Variants in CCDC7 observed in about 807,000 individuals in gnomAD.
The protein encoded by CCDC7 is coiled-coil domain containing 7, also known as coiled-coil domain-containing protein 7.
CCDC7 carries 183 observed loss-of-function variants against 196.9 expected under a neutral mutation model. The ratio of observed to expected loss-of-function variants is 0.93; its 90% CI spans 0.82 to 1.05. The LOEUF (loss-of-function observed/expected upper bound fraction) is 1.05, where lower values mean the gene tolerates loss of function less well. Ranked by LOEUF, CCDC7 falls within the 50% of genes least tolerant of loss-of-function variation. The pLI, the probability that CCDC7 is intolerant of heterozygous loss-of-function variation, is 0.00. For synonymous variants in CCDC7, 525 were observed against 484.6 expected, an observed-to-expected ratio of 1.08 and a Z score of -1.10; for missense variants, 1,540 against 1,482.2, an observed-to-expected ratio of 1.04 and a Z score of -0.64.
intron 25 of CCDC7, 68 bp downstream of exon 26, chr10:32,711,798 T>C (rs549781977): frequency 3.6e-6 from 3 of 834,988 alleles, no homozygotes; most frequent in Non-Finnish European, 5.4e-6. Context: ...TTTTCTTTGG[T>C]TCATACTTAC....
At chr10:32,658,260 T>A (rs2140308962) in intron 20 of CCDC7, among the ~76,000 whole-genome samples, 1 of 152,318 alleles carries the variant, frequency 6.6e-6, no homozygotes, top group Non-Finnish European at 1.5e-5. Context: ...ATTCTCAAAC[T>A]GCTATGAAGA....
intron 28 of CCDC7, among the ~76,000 whole-genome samples, chr10:32,744,731 A>G (rs889225008): frequency 2.6e-5 from 4 of 152,174 alleles, no homozygotes; most frequent in East Asian, 3.9e-4. Flanking sequence ...TTTATCAGAT[A>G]TGTCTTTTGC....
At chr10:32,831,810 G>A (rs2092213344) in intron 32 of CCDC7, among the ~76,000 whole-genome samples, 1 of 152,186 alleles carries the variant, frequency 6.6e-6, no homozygotes, top group South Asian at 2.1e-4. Flanking sequence ...GGACCTGTCT[G>A]AGGCTGTTCT....
chr10:32,704,531 A>C (rs1254155050), intron 24 of CCDC7, among the ~76,000 whole-genome samples: 1 of 151,998 alleles, frequency 6.6e-6, no homozygotes, highest in Non-Finnish European at 1.5e-5. Context: ...TACTCTCTTC[A>C]CAGTTGTCAG....
At chr10:32,667,148 G>GTGTCTTT (rs1465175952) in intron 21 of CCDC7, among the ~76,000 whole-genome samples, 1 of 149,504 alleles carries the variant, frequency 6.7e-6, no homozygotes, top group Non-Finnish European at 1.5e-5. Context: ...ATTTTGTCAT[G>GTGTCTTT]TGGCTGCATA....
intron 25 of CCDC7, among the ~76,000 whole-genome samples, chr10:32,722,896 C>T (rs1274407051): frequency 2.6e-5 from 4 of 151,998 alleles, no homozygotes; most frequent in Non-Finnish European, 4.4e-5. Context: ...GAACTTTTAC[C>T]TTGTTATATG....
At chr10:32,527,763 G>A in intron 11 of CCDC7, among the ~76,000 whole-genome samples, 1 of 152,180 alleles carries the variant, frequency 6.6e-6, no homozygotes, top group East Asian at 1.9e-4. Context: ...GAAGTAGTCT[G>A]TTTTCAGAGA....
At chr10:32,705,861 A>G (rs1165325962) in intron 24 of CCDC7, among the ~76,000 whole-genome samples, 2 of 152,108 alleles carry the variant, frequency 1.3e-5, no homozygotes, top group Non-Finnish European at 2.9e-5. Flanking sequence ...CTCCCACACA[A>G]TAACAATGGG....
intron 9 of CCDC7, 22 bp downstream of exon 10, chr10:32,492,019 T>G: frequency 1.3e-6 from 2 of 1,505,320 alleles, no homozygotes; most frequent in Non-Finnish European, 1.8e-6. Flanking sequence ...TGTTTTTGCA[T>G]TTTATTATTT....
chr10:32,562,022 C>T (rs1216918908), intron 13 of CCDC7, among the ~76,000 whole-genome samples: 2 of 152,282 alleles, frequency 1.3e-5, no homozygotes, highest in South Asian at 2.1e-4. Flanking sequence ...ACTACAAACA[C>T]CTCTCCGCAA....
At chr10:32,605,353 G>C (rs890185050) in intron 18 of CCDC7, among the ~76,000 whole-genome samples, 2 of 152,154 alleles carry the variant, frequency 1.3e-5, no homozygotes, top group African/African-American at 2.4e-5. Flanking sequence ...TGGTACTGAG[G>C]AATGGGGCGT....
chr10:32,703,410 G>A (rs917726146), intron 24 of CCDC7, among the ~76,000 whole-genome samples: 3 of 151,994 alleles, frequency 2.0e-5, no homozygotes, highest in African/African-American at 7.2e-5. Flanking sequence ...GCTTCCCTTT[G>A]TGGGTAACGC....
intron 32 of CCDC7, among the ~76,000 whole-genome samples, chr10:32,828,510 GAA>G (rs2091684788): frequency 1.4e-5 from 2 of 145,048 alleles, no homozygotes; most frequent in Non-Finnish European, 3.0e-5. Flanking sequence ...AGAAGAAGAA[GAA>G]GAAGAAGAAG....
At chr10:32,452,673 G>A (rs2033381379) in intron 1 of CCDC7, among the ~76,000 whole-genome samples, 1 of 151,920 alleles carries the variant, frequency 6.6e-6, no homozygotes, top group African/African-American at 2.4e-5. Flanking sequence ...GGTCAGGCTG[G>A]TCTTAAACTC....
At chr10:32,675,332 TA>T (rs2074758864) in intron 21 of CCDC7, among the ~76,000 whole-genome samples, 2 of 152,156 alleles carry the variant, frequency 1.3e-5, no homozygotes, top group African/African-American at 4.8e-5. Flanking sequence ...ACCATAAAGT[TA>T]AAATGGTCTA....
chr10:32,538,482 C>T (rs2136045471), intron 11 of CCDC7, among the ~76,000 whole-genome samples: 2 of 152,222 alleles, frequency 1.3e-5, no homozygotes, highest in East Asian at 3.9e-4. Flanking sequence ...TATTGCTTTC[C>T]CTTGCCCGAT....
chr10:32,526,099 T>C (rs754025376), intron 11 of CCDC7, among the ~76,000 whole-genome samples: 1 of 152,246 alleles, frequency 6.6e-6, no homozygotes, highest in East Asian at 1.9e-4. Flanking sequence ...CCTGATGTTT[T>C]CTGCTATGGC....
At chr10:32,763,363 G>T (rs2077753087) in intron 28 of CCDC7, among the ~76,000 whole-genome samples, 1 of 151,860 alleles carries the variant, frequency 6.6e-6, no homozygotes, top group Non-Finnish European at 1.5e-5. Flanking sequence ...AACATATGTT[G>T]GTGAGGTTAT....
intron 9 of CCDC7, among the ~76,000 whole-genome samples, chr10:32,498,668 C>T (rs931664305): frequency 6.6e-6 from 1 of 152,088 alleles, no homozygotes; most frequent in Non-Finnish European, 1.5e-5. Context: ...ATATGAAATT[C>T]TGGGTTGAAA....
Sources: allele counts gnomAD v4.1 joint callset (sites outside exome capture counted in the v4.1 genomes callset), GRCh38; gene constraint gnomAD v4.1.1; transcripts MANE v1.5; gene names NCBI Gene and HGNC (gene_info 2026-07-23, HGNC 2026-07-21).